Variants in LRMDA observed in about 807,000 individuals in gnomAD.
LRMDA encodes the protein leucine-rich melanocyte differentiation-associated protein.
LRMDA carries 18 observed loss-of-function variants against 29.8 expected under a neutral mutation model. The ratio of observed to expected loss-of-function variants is 0.60; its 90% confidence interval spans 0.42 to 0.90. The LOEUF is 0.90. Ranked by LOEUF, LRMDA falls within the 40% of genes least tolerant of loss-of-function variation. LRMDA has a pLI of 0.00. For synonymous variants in LRMDA, 125 were observed against 109.4 expected, an observed-to-expected ratio of 1.14 and a Z score of -0.89; for missense variants, 273 against 273.9, an observed-to-expected ratio of 1.00 and a Z score of 0.02.
At chr10:75,766,455 T>C (rs1312255752) in intron 2 of LRMDA, among the ~76,000 whole-genome samples, 1 of 152,218 alleles carries the variant, frequency 6.6e-6, no homozygotes, top group Non-Finnish European at 1.5e-5. Context: ...CTCATTTCCC[T>C]CATGGCTTAT....
intron 2 of LRMDA, among the ~76,000 whole-genome samples, chr10:75,561,692 A>T (rs1161675201): frequency 6.7e-6 from 1 of 148,998 alleles, no homozygotes; most frequent in Non-Finnish European, 1.5e-5. Context: ...CCCTCTACAC[A>T]CTGCTTTGAA....
At chr10:76,223,301 T>C (rs1040530506) in intron 5 of LRMDA, among the ~76,000 whole-genome samples, 1 of 152,096 alleles carries the variant, frequency 6.6e-6, no homozygotes, top group Non-Finnish European at 1.5e-5. Context: ...CCTTAAATAC[T>C]GAATAGAGAA....
intron 6 of LRMDA, among the ~76,000 whole-genome samples, chr10:76,496,432 ACCTCATTTGTTTT>A (rs1842879894): frequency 1.3e-5 from 1 of 75,028 alleles, no homozygotes; most frequent in African/African-American, 3.2e-5. Context: ...GCTTGAAAAT[ACCTCATTTGTTTT>A]CCCTCTATTA....
At chr10:75,716,677 C>G (rs1842504509) in intron 2 of LRMDA, among the ~76,000 whole-genome samples, 1 of 152,156 alleles carries the variant, frequency 6.6e-6, no homozygotes, top group Non-Finnish European at 1.5e-5. Context: ...TTCGATGGTG[C>G]CACTTGGGAG....
At chr10:76,028,305 A>C (rs1848094377) in intron 2 of LRMDA, among the ~76,000 whole-genome samples, 1 of 152,136 alleles carries the variant, frequency 6.6e-6, no homozygotes, top group African/African-American at 2.4e-5. Context: ...TTTTTCTGTT[A>C]GGGCTTCAGG....
intron 5 of LRMDA, among the ~76,000 whole-genome samples, chr10:76,250,717 C>A (rs2132296138): frequency 1.3e-5 from 2 of 152,222 alleles, no homozygotes; most frequent in South Asian, 4.1e-4. Context: ...ACAGTCTTTT[C>A]TTTGCACCTG....
chr10:75,920,441 A>T (rs1302660490), intron 2 of LRMDA, among the ~76,000 whole-genome samples: 1 of 152,238 alleles, frequency 6.6e-6, no homozygotes, highest in Non-Finnish European at 1.5e-5. Flanking sequence ...AATGAAGGAC[A>T]GAGGTCTCCC....
intron 2 of LRMDA, among the ~76,000 whole-genome samples, chr10:75,743,136 G>C (rs1337718838): frequency 6.6e-6 from 1 of 152,114 alleles, no homozygotes; most frequent in Admixed American, 6.5e-5. Flanking sequence ...GGAGGGGGTG[G>C]TAAGAGATGA....
chr10:76,123,520 A>G (rs914978138), intron 5 of LRMDA, among the ~76,000 whole-genome samples: 2 of 152,192 alleles, frequency 1.3e-5, no homozygotes, highest in Non-Finnish European at 2.9e-5. Context: ...GAACACAAAA[A>G]CAAAAACAAA....
chr10:75,673,998 T>C (rs1261030467), intron 2 of LRMDA, among the ~76,000 whole-genome samples: 2 of 152,210 alleles, frequency 1.3e-5, no homozygotes, highest in Non-Finnish European at 2.9e-5. Context: ...TGATGAAAAG[T>C]CTGGGGATAA....
chr10:75,888,245 G>A (rs1389544817), intron 2 of LRMDA, among the ~76,000 whole-genome samples: 1 of 152,192 alleles, frequency 6.6e-6, no homozygotes, highest in Non-Finnish European at 1.5e-5. Flanking sequence ...TCTGAGAGCT[G>A]CATGTGGAAA....
At chr10:75,737,265 G>A (rs1221838088) in intron 2 of LRMDA, among the ~76,000 whole-genome samples, 4 of 152,214 alleles carry the variant, frequency 2.6e-5, no homozygotes, top group Non-Finnish European at 4.4e-5. Context: ...AATCAACCAG[G>A]ATGGCAAAAC....
chr10:75,818,220 T>C (rs1458269848), intron 2 of LRMDA, among the ~76,000 whole-genome samples: 1 of 152,156 alleles, frequency 6.6e-6, no homozygotes, highest in African/African-American at 2.4e-5. Context: ...CAGGCTTTGC[T>C]AGTAATGAGG....
chr10:75,508,977 G>A (rs562871750), intron 2 of LRMDA, among the ~76,000 whole-genome samples: 1 of 152,334 alleles, frequency 6.6e-6, no homozygotes, highest in African/African-American at 2.4e-5. Context: ...GTGGTTGAAA[G>A]ACATTACAGA....
chr10:75,727,256 C>T (rs561110947), intron 2 of LRMDA, among the ~76,000 whole-genome samples: 4 of 152,208 alleles, frequency 2.6e-5, no homozygotes, highest in African/African-American at 9.6e-5. Flanking sequence ...AGTTAAAAAG[C>T]GTAGGAGATA....
chr10:75,451,732 A>G (rs565548524), intron 2 of LRMDA: 6 of 152,344 alleles, frequency 3.9e-5, no homozygotes, highest in Admixed American at 3.9e-4. Context: ...GGGGAAAAAA[A>G]GAAAAGAGAG....
intron 2 of LRMDA, among the ~76,000 whole-genome samples, chr10:75,682,696 T>A (rs1444169146): frequency 6.6e-6 from 1 of 152,160 alleles, no homozygotes; most frequent in African/African-American, 2.4e-5. Context: ...ATGTGTCCAG[T>A]TGCAAGTCAA....
chr10:76,468,506 G>T (rs1455882564), intron 6 of LRMDA, among the ~76,000 whole-genome samples: 1 of 152,112 alleles, frequency 6.6e-6, no homozygotes, highest in Non-Finnish European at 1.5e-5. Flanking sequence ...GGCTCTTTCT[G>T]AATAGTCTTA....
chr10:76,469,617 T>C (rs1441263317), intron 6 of LRMDA, among the ~76,000 whole-genome samples: 1 of 152,084 alleles, frequency 6.6e-6, no homozygotes, highest in Admixed American at 6.6e-5. Flanking sequence ...GGAACTGTCT[T>C]TGAAACAGAG....
Sources: allele counts gnomAD v4.1 joint callset (sites outside exome capture counted in the v4.1 genomes callset), GRCh38; gene constraint gnomAD v4.1.1; transcripts MANE v1.5; gene names NCBI Gene and HGNC (gene_info 2026-07-23, HGNC 2026-07-21).